FBXL22: variants seen among roughly 807,000 people sequenced by gnomAD.
FBXL22 encodes the protein F-box and leucine-rich protein 22.
FBXL22 carries 13 observed loss-of-function variants against 11.7 expected under a neutral mutation model. The observed-to-expected ratio is 1.11, with a 90% CI of 0.73 to 1.77. FBXL22 has a LOEUF of 1.77. FBXL22 is among the 40% of genes most tolerant of loss of function. The pLI is 0.00. For synonymous variants in FBXL22, 160 were observed against 144.1 expected, an observed-to-expected ratio of 1.11 and a Z score of -0.79; for missense variants, 406 against 320.4, an observed-to-expected ratio of 1.27 and a Z score of -2.04.
At chr15:63,605,082 CA>C (rs972164699), downstream of FBXL22, among the ~76,000 whole-genome samples, 6 of 151,960 alleles carry the variant, frequency 3.9e-5, no homozygotes, top group Non-Finnish European at 2.9e-5. Flanking sequence ...AAGTAAAAAA[CA>C]AAAGAAAAAT....
In FBXL22 at chr15:63,599,815, C is replaced by T. The variant is rs2067336068; in HGVS notation, c.354-882C>T. 3 of 985,878 alleles carry T rather than the reference C, an allele frequency of 3.0e-6. No homozygotes were observed. In the South Asian group the frequency reaches 1.4e-4, roughly 46 times the overall value. The allele number at this position is 985,878 out of a possible 1,614,324, so 61.1% of individuals were successfully genotyped here. Reference sequence around the variant, plus strand: ...TTCTGGACTGGAAGCAGGCTGGTCCCGTTTGTTTCCAGGGAAAGCGGGTTA... The same window carrying T: ...TTCTGGACTGGAAGCAGGCTGGTCCTGTTTGTTTCCAGGGAAAGCGGGTTA... On this transcript the variant is annotated intron_variant, in intron 1 of 1. Transcript: ENST00000638704.
chr15:63,604,634 G>A (rs1396143113), downstream of FBXL22, among the ~76,000 whole-genome samples: 4 of 152,144 alleles, frequency 2.6e-5, no homozygotes, highest in East Asian at 1.9e-4. Context: ...TTAACAGAGC[G>A]CAATACCTCA....
chr15:63,606,135 C>A (rs1317093343), downstream of FBXL22, among the ~76,000 whole-genome samples: 2 of 152,210 alleles, frequency 1.3e-5, no homozygotes, highest in African/African-American at 4.8e-5. Context: ...TCCAACTTTC[C>A]CTCTCCTGAC....
chr15:63,600,304 G>A (rs1001584674), intron 1 of FBXL22: 7 of 1,012,768 alleles, frequency 6.9e-6, no homozygotes, highest in Non-Finnish European at 8.2e-6. Flanking sequence ...AAGCTAGACT[G>A]GAGCAATCGC....
At chr15:63,600,674 G>A (rs944575441) in intron 1 of FBXL22, 23 bp from the exon 2 acceptor site, 35 of 1,231,310 alleles carry the variant, frequency 2.8e-5, no homozygotes, top group Middle Eastern at 3.1e-4. Context: ...AGTGAGCCCC[G>A]GGTCACCGCA....
chr15:63,597,546 C>G lies in FBXL22; in HGVS notation c.154C>G (p.Leu52Val). The G allele has an allele frequency of 6.2e-7, 1 of 1,614,064 alleles. No homozygotes were observed. The highest frequency in any genetic ancestry group is 2.2e-5 in the East Asian group (1 of 44,906). The change falls in exon 1 of 2, where the codon CTG (leucine) becomes GTG (valine). Residue 52 changes from leucine (L) to valine (V), a missense_variant. Transcript: ENST00000638704. The surrounding 1 kb of genome is among the most constrained non-coding windows in gnomAD (Gnocchi z 4.3). Reference sequence around the variant, plus strand: ...TGAGGACCCCGCACTCTGGTCCCTGCTGCACTTCCGTTCCCTCACTGAACT... The same window carrying G: ...TGAGGACCCCGCACTCTGGTCCCTGGTGCACTTCCGTTCCCTCACTGAACT... ...VFEDPALWSLLHFRSLTELQK... is the reference protein window; with the variant it reads ...VFEDPALWSLVHFRSLTELQK...
Position 63,601,026 on chromosome 15 carries a change from T to C in FBXL22, c.683T>C (p.Leu228Pro), listed in dbSNP as rs571098571. ...PRAPAAALGK[L>P]LQR is the part of the protein sequence containing the mutation. ...GCGCCCGCCGCGGCCCTCGGCAAGC[T>C]GCTGCAGCGCTAGACGCCGCCCCGC... The change falls in exon 2 of 2, where the codon CTG becomes CCG. Residue 228 changes from leucine to proline, a missense_variant. Leu to Pro is a moderately conservative substitution (Grantham distance 98). Transcript: ENST00000638704. The C allele has an allele frequency of 1.6e-6, 2 of 1,214,394 alleles. No homozygotes were observed. The highest frequency in any genetic ancestry group is 8.2e-5 in the South Asian group (2 of 24,306). The allele number at this position is 1,214,394 out of a possible 1,614,324, so 75.2% of individuals were successfully genotyped here.
At chr15:63,599,543 T>C in intron 1 of FBXL22, 1 of 1,074,928 alleles carries the variant, frequency 9.3e-7, no homozygotes. Flanking sequence ...GGTGCAGAGG[T>C]TGACGGGGTG....
rs1595794559 is a variant in FBXL22 at position 63,599,266 on chromosome 15, TG to T, written c.354-1429del. On this transcript the variant is annotated intron_variant, in intron 1 of 1. Transcript: ENST00000638704. The stretch of plus-strand genomic sequence containing the variant: ...TCAGGTCGGGAGGAATGGCTGAGGA[TG>T]GCTGGGCAGGGGGACAGTCCGCTCT... 5.9e-6 allele frequency: 9 copies of T among 1,523,522 alleles called. No individual in the cohort carries two copies. In the East Asian group the frequency reaches 2.2e-4, roughly 37 times the overall value. 94.4% of individuals were successfully genotyped at this position (1,523,522 alleles called of 1,614,324 possible). A position where few individuals can be genotyped will look rare whatever the true frequency, so the allele number is the denominator to read the frequency against.
chr15:63,600,482 G>A (rs1050157451), intron 1 of FBXL22: 4 of 1,223,062 alleles, frequency 3.3e-6, no homozygotes, highest in East Asian at 3.2e-5. Flanking sequence ...AAGAACCCAC[G>A]CAGATGAAGG....
chr15:63,597,584 C>T lies in FBXL22; in HGVS notation c.192C>T (p.Asn64=). 6.2e-7 allele frequency: 1 copy of T among 1,614,164 alleles called. No homozygotes were observed. The highest frequency in any genetic ancestry group is 8.5e-7 in the Non-Finnish European group (1 of 1,180,042). The change falls in exon 1 of 2, where the codon AAC becomes AAT. Residue 64 remains asparagine (N), a synonymous_variant. Transcript: ENST00000638704. This position sits in a 1 kb window ranked among gnomAD's most constrained non-coding sequence, Gnocchi z 4.3. ...CCCTCACTGAACTCCAGAAGGACAA[C>T]TTCCTCCTGGGCCCGGCACTCCGCA... ...FRSLTELQKD[N]FLLGPALRSL...
At position 63,597,695 on chromosome 15, in the gene FBXL22, C is replaced by A; in HGVS notation, c.303C>A (p.Cys101Ter). The A allele has an allele frequency of 6.2e-7, 1 of 1,600,472 alleles. No homozygotes were observed. Among genetic ancestry groups the A allele is most frequent in the South Asian group, 1.1e-5 (1 of 90,792 alleles). The change falls in exon 1 of 2, where the codon TGC becomes TGA. Residue 101 changes from cysteine (C) to a stop codon, truncating the protein, a stop_gained. Transcript: ENST00000638704. LOFTEE classifies it high-confidence loss of function. This position sits in a 1 kb window ranked among gnomAD's most constrained non-coding sequence, Gnocchi z 4.3. ...WLKSAFQRSI[C>*]SRHESLVNDF... ...AGAGTGCCTTCCAGAGAAGCATCTG[C>A]AGCCGGCACGAGAGCCTGGTCAATG...
downstream of FBXL22, chr15:63,601,404 G>T (rs1261866173): frequency 6.3e-7 from 1 of 1,594,952 alleles, no homozygotes; most frequent in Non-Finnish European, 8.5e-7. Context: ...CTGACCACTC[G>T]GAGTTCGCCG....
chr15:63,601,650 GCCCACCTT>G (rs899886517), downstream of FBXL22: 1 of 1,607,110 alleles, frequency 6.2e-7, no homozygotes, highest in African/African-American at 1.3e-5. Flanking sequence ...GCGTCTGCCC[GCCCACCTT>G]TCCTGGGGCG....
At chr15:63,606,367 CTGA>C (rs1189565896), downstream of FBXL22, among the ~76,000 whole-genome samples, 1 of 152,202 alleles carries the variant, frequency 6.6e-6, no homozygotes, top group East Asian at 1.9e-4. Context: ...ATTTTAAAAA[CTGA>C]TGGTCAACGT....
chr15:63,601,393 C>T (rs1212585690), downstream of FBXL22: 18 of 1,600,332 alleles, frequency 1.1e-5, no homozygotes, highest in South Asian at 2.2e-5. Context: ...GTGGGGAGGA[C>T]CTGACCACTC....
Position 63,597,719 on chromosome 15 carries a change from T to C in FBXL22, c.327T>C (p.Asn109=). The C allele has an allele frequency of 6.3e-7, 1 of 1,593,132 alleles. No homozygotes were observed. Among genetic ancestry groups the C allele is most frequent in the Non-Finnish European group, 8.6e-7 (1 of 1,166,406 alleles). ...GCAGCCGGCACGAGAGCCTGGTCAATGATTTCCTCCTCCGGGTGTGCGACA... is the reference window on the plus strand; with the variant it reads ...GCAGCCGGCACGAGAGCCTGGTCAACGATTTCCTCCTCCGGGTGTGCGACA... ...SICSRHESLV[N]DFLLRVCDRC... is the part of the protein sequence containing the mutation. The change falls in exon 1 of 2, where the codon AAT becomes AAC. Residue 109 remains asparagine, a synonymous_variant. Coordinates refer to ENST00000638704, the MANE Select transcript of FBXL22 (RefSeq NM_001367807.1). The surrounding 1 kb of genome is among the most constrained non-coding windows in gnomAD (Gnocchi z 4.3).
intron 1 of FBXL22, among the ~76,000 whole-genome samples, chr15:63,598,940 C>T (rs1028852614): frequency 3.3e-5 from 5 of 152,148 alleles, no homozygotes; most frequent in African/African-American, 1.2e-4. Flanking sequence ...GAGCTTAATG[C>T]CCCAAACCTG....
chr15:63,601,010 G>A lies in FBXL22; in HGVS notation c.667G>A (p.Ala223Thr). The change falls in exon 2 of 2, where the codon GCG becomes ACG. Residue 223 changes from alanine to threonine, a missense_variant. Transcript: ENST00000638704. ...DQPPRPRAPA[A>T]ALGKLLQR The stretch of plus-strand genomic sequence containing the variant: ...GCCCCCGCGCCCGCGCGCGCCCGCC[G>A]CGGCCCTCGGCAAGCTGCTGCAGCG... The A allele has an allele frequency of 8.4e-7, 1 of 1,197,246 alleles. No homozygotes were observed. Among genetic ancestry groups the A allele is most frequent in the Non-Finnish European group, 1.0e-6 (1 of 966,138 alleles). 74.2% of individuals were successfully genotyped at this position (1,197,246 alleles called of 1,614,324 possible).
Sources: allele counts gnomAD v4.1 joint callset (sites outside exome capture counted in the v4.1 genomes callset), GRCh38; gene constraint gnomAD v4.1.1; non-coding constraint Gnocchi (gnomAD v3.1); transcripts MANE v1.5; gene names NCBI Gene and HGNC (gene_info 2026-07-23, HGNC 2026-07-21).